Variants in MUSK observed in about 807,000 individuals in gnomAD.
MUSK encodes the protein muscle associated receptor tyrosine kinase.
Under a neutral mutation model 88.7 loss-of-function variants are expected in MUSK, and 55 were observed. The observed-to-expected ratio is 0.62, with a 90% confidence interval of 0.50 to 0.78. The LOEUF (loss-of-function observed/expected upper bound fraction) is 0.78. Ranked by LOEUF, MUSK falls within the 30% of genes least tolerant of loss-of-function variation. The probability of loss-of-function intolerance (pLI) is 0.00; values close to 1 mark genes in which losing one functional copy is unlikely to be tolerated. For missense variants in MUSK, 1,015 were observed against 1,074.3 expected (o/e 0.94, Z 0.77); for synonymous variants, 387 against 391.9 (o/e 0.99, Z 0.15).
At chr9:110,789,754 G>A (rs2077940136) in intron 14 of MUSK, among the ~76,000 whole-genome samples, 1 of 152,082 alleles carries the variant, frequency 6.6e-6, no homozygotes, top group Non-Finnish European at 1.5e-5. Flanking sequence ...ACTCCAGCCT[G>A]TGTGACAGAG....
At chr9:110,756,730 T>C (rs566768547) in intron 7 of MUSK, among the ~76,000 whole-genome samples, 1 of 152,298 alleles carries the variant, frequency 6.6e-6, no homozygotes, top group South Asian at 2.1e-4. Flanking sequence ...CCTTCATCTT[T>C]ACTTGAAGGC....
chr9:110,746,603 C>T (rs1319174910), intron 6 of MUSK, among the ~76,000 whole-genome samples: 1 of 152,122 alleles, frequency 6.6e-6, no homozygotes, highest in Non-Finnish European at 1.5e-5. Context: ...ATAAATTAAG[C>T]TGTTAATTGT....
chr9:110,778,471 CT>C (rs1293820811), intron 11 of MUSK, among the ~76,000 whole-genome samples: 4 of 152,038 alleles, frequency 2.6e-5, no homozygotes, highest in Admixed American at 1.3e-4. Flanking sequence ...CATCTTTGCT[CT>C]TTCTATACAT....
Position 110,772,053 on chromosome 9 carries a change from C to T in MUSK, c.1185-3735C>T, listed in dbSNP as rs1181394691. Among the ~76,000 whole-genome samples, 3 of 150,780 alleles carry T rather than the reference C, an allele frequency of 2.0e-5. No individual in the cohort carries two copies. The East Asian group carries it at 5.8e-4, about 29-fold the overall frequency. On this transcript the variant is annotated intron_variant, in intron 9 of 14. Coordinates refer to ENST00000374448, the MANE Select transcript of MUSK (RefSeq NM_005592.4). ...TTCTATTAGATTTTTGATTGATAGT[C>T]TATGGTTCCTCTGATGGAAAAATAT...
At chr9:110,753,151 C>T (rs1426616668) in intron 7 of MUSK, among the ~76,000 whole-genome samples, 1 of 152,078 alleles carries the variant, frequency 6.6e-6, no homozygotes, top group Admixed American at 6.5e-5. Flanking sequence ...AAAATACAGG[C>T]CGGGTGTGGT....
At position 110,675,215 on chromosome 9, in the gene MUSK, CTTTTTTT is replaced by C. The variant is rs386415865; in HGVS notation, c.79+6250_79+6256del. ...ATTCAAGTCCTGTGCCACATTGCCT[CTTTTTTT>C]TTTTTTTTTTTTTTTTTGAGACAGA... On this transcript the variant is annotated intron_variant, in intron 1 of 14. Coordinates refer to ENST00000374448, the MANE Select transcript of MUSK (RefSeq NM_005592.4). Among the ~76,000 whole-genome samples, 114 of 88,362 alleles carry C rather than the reference CTTTTTTT, an allele frequency of 1.3e-3. 2 individuals carry two copies. The Middle Eastern group carries it at 0.047, about 37-fold the overall frequency. The allele number at this position is 88,362 out of a possible 152,430, so 58.0% of individuals were successfully genotyped here.
At chr9:110,774,796 C>T (rs1287640116) in intron 9 of MUSK, among the ~76,000 whole-genome samples, 2 of 151,878 alleles carry the variant, frequency 1.3e-5, no homozygotes, top group Non-Finnish European at 1.5e-5. Context: ...TCAATTAGCA[C>T]ATATTGGCAA....
chr9:110,785,507 C>A lies in MUSK; in HGVS notation c.1587-20C>A. 6.4e-7 allele frequency: 1 copy of A among 1,569,022 alleles called. No homozygotes were observed. Among genetic ancestry groups the A allele is most frequent in the Non-Finnish European group, 8.7e-7 (1 of 1,155,340 alleles). ...ACCTGCTTCTGAGCTCATTCCTGAT[C>A]TTGCCTGTCTTGCCTGCAGAGAATC... On this transcript the variant is annotated intron_variant, in intron 12 of 14. Coordinates refer to ENST00000374448, the MANE Select transcript of MUSK (RefSeq NM_005592.4).
intron 7 of MUSK, 189 bp from the exon 8 acceptor site, chr9:110,762,013 T>C (rs1051246746): frequency 3.3e-6 from 3 of 898,998 alleles, no homozygotes; most frequent in Non-Finnish European, 4.0e-6. Context: ...CAATATTTTC[T>C]TCATTTCCTC....
At chr9:110,680,339 AGTTTTAATTCAAT>A (rs2076091033) in intron 1 of MUSK, among the ~76,000 whole-genome samples, 1 of 150,532 alleles carries the variant, frequency 6.6e-6, no homozygotes, top group Non-Finnish European at 1.5e-5. Flanking sequence ...TAATTTTTAC[AGTTTTAATTCAAT>A]GTGTCCAAGT....
intron 1 of MUSK, among the ~76,000 whole-genome samples, chr9:110,677,500 C>T (rs1410802515): frequency 6.6e-6 from 1 of 152,228 alleles, no homozygotes; most frequent in Non-Finnish European, 1.5e-5. Context: ...GCTTACAACT[C>T]TGATTTCTTC....
chr9:110,747,947 C>A, intron 7 of MUSK, 147 bp downstream of exon 7: 1 of 1,078,908 alleles, frequency 9.3e-7, no homozygotes, highest in Non-Finnish European at 1.4e-6. Flanking sequence ...TGGGGATACT[C>A]CGGAGGTGAC....
In MUSK at chr9:110,681,090, T is replaced by TATTA. The variant is rs1190067828; in HGVS notation, c.80-1582_80-1581insTAAT. ...ATAATATTATATATATTATATAATATATATTATATAATATATATTATATAT... is the reference window on the plus strand; with the variant it reads ...ATAATATTATATATATTATATAATATATTAATATTATATAATATATATTATATAT... On this transcript the variant is annotated intron_variant, in intron 1 of 14. Transcript: ENST00000374448. Among the ~76,000 whole-genome samples, 73 of 29,726 alleles carry TATTA rather than the reference T, an allele frequency of 2.5e-3. 9 individuals are homozygous for TATTA. Among genetic ancestry groups the TATTA allele is most frequent in the African/African-American group, 0.012 (62 of 5,232 alleles). The allele number at this position is 29,726 out of a possible 152,430, so 19.5% of individuals were successfully genotyped here. A position where few individuals can be genotyped will look rare whatever the true frequency, so the allele number is the denominator to read the frequency against.
intron 10 of MUSK, 74 bp from the exon 11 acceptor site, chr9:110,776,558 C>A: frequency 8.3e-7 from 1 of 1,201,566 alleles, no homozygotes; most frequent in Non-Finnish European, 1.2e-6. Context: ...CATTTCTTAG[C>A]ACTCACTCTC....
chr9:110,678,796 T>A (rs754729673), intron 1 of MUSK, among the ~76,000 whole-genome samples: 30 of 152,148 alleles, frequency 2.0e-4, no homozygotes, highest in Non-Finnish European at 3.7e-4. Flanking sequence ...ACAGTTGATG[T>A]GCATATCTGT....
chr9:110,789,726 C>A (rs1255190918), intron 14 of MUSK, among the ~76,000 whole-genome samples: 1 of 152,022 alleles, frequency 6.6e-6, no homozygotes, highest in Non-Finnish European at 1.5e-5. Context: ...TTGCAGTGAG[C>A]CGAGATTGTG....
At chr9:110,758,503 C>G (rs543269975) in intron 7 of MUSK, among the ~76,000 whole-genome samples, 1 of 152,228 alleles carries the variant, frequency 6.6e-6, no homozygotes, top group African/African-American at 2.4e-5. Flanking sequence ...CCCTTGAAAA[C>G]CAGAATAAGA....
At chr9:110,767,678 A>G in intron 8 of MUSK, 142 bp from the exon 9 acceptor site, 1 of 861,058 alleles carries the variant, frequency 1.2e-6, no homozygotes, top group East Asian at 2.5e-5. Context: ...ACAATATTCA[A>G]ATGGAGCGTG....
At chr9:110,674,138 T>TA (rs139144340) in intron 1 of MUSK, among the ~76,000 whole-genome samples, 3,263 of 152,166 alleles carry the variant, frequency 0.021, 127 homozygotes, top group African/African-American at 0.074. Context: ...TACTCTATAG[T>TA]AAAAAACTCT....
Sources: allele counts gnomAD v4.1 joint callset (sites outside exome capture counted in the v4.1 genomes callset), GRCh38; gene constraint gnomAD v4.1.1; transcripts MANE v1.5; gene names NCBI Gene and HGNC (gene_info 2026-07-23, HGNC 2026-07-21).